The following CLBA1 variants were observed in gnomAD, a reference collection of about 807,000 sequenced individuals.
CLBA1 encodes uncharacterized protein CLBA1.
CLBA1 carries 30 observed loss-of-function variants against 28.8 expected under a neutral mutation model. The observed-to-expected ratio is 1.04, with a 90% CI of 0.78 to 1.41. The LOEUF (loss-of-function observed/expected upper bound fraction) is 1.41, where lower values mean the gene tolerates loss of function less well. Ranked by LOEUF, CLBA1 falls within the 40% of genes most tolerant of loss-of-function variation. CLBA1 has a pLI of 0.00. For missense variants in CLBA1, 451 were observed against 412.3 expected (o/e 1.09, Z -0.81); for synonymous variants, 160 against 152.8 (o/e 1.05, Z -0.35).
chr14:104,994,506 CGA>C, intron 4 of CLBA1, 90 bp from the exon 5 acceptor site: 2 of 1,483,026 alleles, frequency 1.3e-6, no homozygotes, highest in South Asian at 2.7e-5. Context: ...ACTAGGGGGC[CGA>C]GAGGCAGGGG....
At chr14:104,987,301 A>G (rs1205905123) in intron 1 of CLBA1, among the ~76,000 whole-genome samples, 2 of 152,252 alleles carry the variant, frequency 1.3e-5, no homozygotes, top group African/African-American at 4.8e-5. Context: ...CGCGGGATCC[A>G]ACCTGTCCGG....
At chr14:104,998,879 G>C (rs1900213181), downstream of CLBA1, among the ~76,000 whole-genome samples, 1 of 152,258 alleles carries the variant, frequency 6.6e-6, no homozygotes, top group Non-Finnish European at 1.5e-5. Context: ...GGCCCATCGT[G>C]CCATGCTGGG....
intron 1 of CLBA1, 54 bp from the exon 2 acceptor site, chr14:104,988,889 C>T (rs527531534): frequency 8.2e-4 from 1,223 of 1,494,656 alleles, no homozygotes; most frequent in Non-Finnish European, 1.0e-3. Context: ...AATAAGGTAA[C>T]GTTATGTATG....
intron 4 of CLBA1, chr14:104,993,894 T>A: frequency 1.0e-6 from 1 of 985,078 alleles, no homozygotes; most frequent in Non-Finnish European, 1.2e-6. Flanking sequence ...TGGTAGGAGG[T>A]AACAAGGACC....
rs773758438 is a variant in CLBA1 at position 104,988,996 on chromosome 14, C to G, written c.477C>G (p.Val159=). The change falls in exon 2 of 5, where the codon GTC becomes GTG. Residue 159 remains valine, a synonymous_variant. Coordinates refer to ENST00000547315, the MANE Select transcript of CLBA1 (RefSeq NM_174891.4). ...ILKCAFQEIT[V]QQAAEDVSTI... is the part of the protein sequence containing the mutation. ...AGTGTGCTTTTCAAGAAATAACAGT[C>G]CAGCAGGCAGCTGAAGACGTTTCCA... 1.2e-6 allele frequency: 2 copies of G among 1,613,010 alleles called. No individual in the cohort carries two copies. Among genetic ancestry groups the G allele is most frequent in the South Asian group, 2.2e-5 (2 of 91,020 alleles).
At chr14:104,999,213 A>C (rs1245879235), downstream of CLBA1, 45 of 985,302 alleles carry the variant, frequency 4.6e-5, no homozygotes, top group Non-Finnish European at 5.2e-5. Context: ...CTGGCCTTTG[A>C]TTCCTAGAGG....
chr14:104,998,311 G>A (rs561495744), downstream of CLBA1, among the ~76,000 whole-genome samples: 108 of 152,174 alleles, frequency 7.1e-4, no homozygotes, highest in Middle Eastern at 3.4e-3. Context: ...CTACTCAGGA[G>A]GCTGAGGTGG....
chr14:104,987,158 G>A (rs1281552345), intron 1 of CLBA1, among the ~76,000 whole-genome samples: 1 of 152,276 alleles, frequency 6.6e-6, no homozygotes, highest in Non-Finnish European at 1.5e-5. Flanking sequence ...ATTGGTGGGG[G>A]CTGCACTGGC....
chr14:104,993,265 T>C, intron 4 of CLBA1: 7 of 985,342 alleles, frequency 7.1e-6, no homozygotes, highest in Non-Finnish European at 8.4e-6. Context: ...GGAATATAAA[T>C]ACCATCCGGA....
Position 104,986,317 on chromosome 14 carries a change from C to A in CLBA1, c.-115C>A. On this transcript the variant is annotated 5_prime_UTR_variant, in exon 1 of 5. Transcript: ENST00000547315. The stretch of plus-strand genomic sequence containing the variant: ...CAGCCCGGGGCACTCCTGCAGCGTC[C>A]CCTGGCCCTCTCCAGGGCAGGGGAA... 2 of 1,141,634 alleles carry A rather than the reference C, an allele frequency of 1.8e-6. No individual in the cohort carries two copies. Among genetic ancestry groups the A allele is most frequent in the Non-Finnish European group, 2.4e-6 (2 of 819,874 alleles). The allele number at this position is 1,141,634 out of a possible 1,614,324, so 70.7% of individuals were successfully genotyped here. A position where few individuals can be genotyped will look rare whatever the true frequency, so the allele number is the denominator to read the frequency against.
chr14:104,989,030 C>T lies in CLBA1; in HGVS notation c.511C>T (p.His171Tyr), dbSNP rs751699862. 3 of 1,613,560 alleles carry T rather than the reference C, an allele frequency of 1.9e-6. No homozygotes were observed. The highest frequency in any genetic ancestry group is 1.1e-5 in the South Asian group (1 of 90,958). ...AGCTGAAGACGTTTCCACCATAGAC[C>T]ATTTCCTAGAAATAAGCAGTGAAGA... ...QAAEDVSTID[H>Y]FLEISSEEKP... The change falls in exon 2 of 5, where the codon CAT (histidine) becomes TAT (tyrosine). Residue 171 changes from histidine (H) to tyrosine (Y), a missense_variant. Physicochemically the swap from His to Tyr is moderately conservative, Grantham distance 83 (BLOSUM62 2). Coordinates refer to ENST00000547315, the MANE Select transcript of CLBA1 (RefSeq NM_174891.4).
At position 104,986,757 on chromosome 14, in the gene CLBA1, C is replaced by G; in HGVS notation, c.326C>G (p.Pro109Arg). The G allele has an allele frequency of 6.2e-7, 1 of 1,614,114 alleles. No individual in the cohort carries two copies. The highest frequency in any genetic ancestry group is 8.5e-7 in the Non-Finnish European group (1 of 1,180,048). ...CTCGAGGGACCCACAGAACCCCAGCCACCGAGAACCACTTCTGCCCCAAAA... is the reference window on the plus strand; with the variant it reads ...CTCGAGGGACCCACAGAACCCCAGCGACCGAGAACCACTTCTGCCCCAAAA... The part of the protein sequence containing the change: ...ELLEGPTEPQ[P>R]PRTTSAPKEC... The change falls in exon 1 of 5, where the codon CCA (proline) becomes CGA (arginine). Residue 109 changes from proline (P) to arginine (R), a missense_variant. By Grantham distance (103) the Pro-to-Arg change is moderately radical. Coordinates refer to ENST00000547315, the MANE Select transcript of CLBA1 (RefSeq NM_174891.4).
intron 2 of CLBA1, among the ~76,000 whole-genome samples, chr14:105,000,622 C>T (rs1162229058): frequency 6.6e-6 from 1 of 152,060 alleles, no homozygotes; most frequent in Non-Finnish European, 1.5e-5. Flanking sequence ...TATATATACA[C>T]ACACACAAAT....
At chr14:104,987,888 C>G (rs745319746) in intron 1 of CLBA1, among the ~76,000 whole-genome samples, 2 of 151,620 alleles carry the variant, frequency 1.3e-5, no homozygotes, top group African/African-American at 2.4e-5. Context: ...CCGCCCGCCT[C>G]GGCCTCTCAA....
At chr14:104,989,172 G>A (rs1899950304) in intron 2 of CLBA1, 84 bp downstream of exon 2, 1 of 1,429,058 alleles carries the variant, frequency 7.0e-7, no homozygotes, top group African/African-American at 1.4e-5. Context: ...CTTTGTTTTT[G>A]CCTTTATGGA....
intron 1 of CLBA1, 116 bp from the exon 2 acceptor site, chr14:104,988,827 C>T (rs1899938488): frequency 4.6e-6 from 5 of 1,093,386 alleles, no homozygotes; most frequent in Non-Finnish European, 6.5e-6. Flanking sequence ...GATAGTAACA[C>T]TAATGGTATG....
chr14:104,992,817 C>T (rs375047991), intron 3 of CLBA1, 131 bp from the exon 4 acceptor site: 308 of 812,164 alleles, frequency 3.8e-4, no homozygotes, highest in Admixed American at 7.0e-4. Flanking sequence ...GAAACTGGTG[C>T]GCTGACCTTG....
At position 104,994,537 on chromosome 14, in the gene CLBA1, C is replaced by A. The variant is rs1216871332; in HGVS notation, c.817-61C>A. ...GCAGGGGGCGGCCAGGGGCAAACGC[C>A]CAAGCTAGCGCTTCTCATTGCCCGG... On this transcript the variant is annotated intron_variant, in intron 4 of 4. Transcript: ENST00000547315. 11 of 1,534,494 alleles carry A rather than the reference C, an allele frequency of 7.2e-6. No homozygotes were observed. The Admixed American group carries it at 1.0e-4, about 14-fold the overall frequency.
At chr14:104,999,231 G>A, downstream of CLBA1, 2 of 985,396 alleles carry the variant, frequency 2.0e-6, no homozygotes. Flanking sequence ...AGGCCCTGAA[G>A]GAACGTGACC....
Sources: gnomAD v4.1 joint callset for allele counts (sites outside exome capture counted in the v4.1 genomes callset) on GRCh38, gnomAD v4.1.1 for gene constraint, MANE v1.5 for transcripts, NCBI Gene and HGNC (gene_info 2026-07-23, HGNC 2026-07-21) for gene names.